ATP10A: variants seen among roughly 807,000 people sequenced by gnomAD.
The protein encoded by ATP10A is ATPase phospholipid transporting 10A (putative).
ATP10A carries 111 observed loss-of-function variants against 147.8 expected under a neutral mutation model. The ratio of observed to expected loss-of-function variants is 0.75; its 90% confidence interval spans 0.64 to 0.88. The LOEUF (loss-of-function observed/expected upper bound fraction) is 0.88, where lower values mean the gene tolerates loss of function less well. Ranked by LOEUF, ATP10A falls within the 40% of genes least tolerant of loss-of-function variation. ATP10A has a pLI of 0.00. For missense variants in ATP10A, 1,927 were observed against 1,959.0 expected (o/e 0.98, Z 0.31); for synonymous variants, 875 against 841.6 (o/e 1.04, Z -0.69).
chr15:25,745,107 C>T (rs557249739), intron 2 of ATP10A, among the ~76,000 whole-genome samples: 113 of 152,254 alleles, frequency 7.4e-4, no homozygotes, highest in African/African-American at 2.4e-3. Flanking sequence ...AGGCAGATCA[C>T]GACGTCATGG....
downstream of ATP10A, among the ~76,000 whole-genome samples, chr15:25,672,492 G>A (rs1316102136): frequency 3.3e-5 from 5 of 152,280 alleles, no homozygotes; most frequent in South Asian, 1.0e-3. Context: ...AATTGCTTGG[G>A]TAGGTACCTG....
chr15:25,862,997 G>T lies in ATP10A; in HGVS notation c.100C>A (p.Pro34Thr). The change falls in exon 1 of 21, where the codon CCC becomes ACC. Residue 34 changes from proline (P) to threonine (T), a missense_variant. By Grantham distance (38) the Pro-to-Thr change is conservative. Coordinates refer to ENST00000555815, the MANE Select transcript of ATP10A (RefSeq NM_024490.4). Reference protein sequence around the residue: ...TRTVRSNLLPPPGAEDPAAGA... With the variant: ...TRTVRSNLLPTPGAEDPAAGA... ...GCCGCAGGGTCCTCGGCGCCCGGGG[G>T]CGGCAGCAGGTTGGAGCGCACCGTG... 3 of 1,410,678 alleles carry T rather than the reference G, an allele frequency of 2.1e-6. No individual in the cohort carries two copies. The highest frequency in any genetic ancestry group is 2.7e-6 in the Non-Finnish European group (3 of 1,092,378). 87.4% of individuals were successfully genotyped at this position (1,410,678 alleles called of 1,614,324 possible). A position where few individuals can be genotyped will look rare whatever the true frequency, so the allele number is the denominator to read the frequency against.
At chr15:25,821,541 G>C (rs1309752837) in intron 1 of ATP10A, among the ~76,000 whole-genome samples, 2 of 152,226 alleles carry the variant, frequency 1.3e-5, no homozygotes, top group Non-Finnish European at 2.9e-5. Flanking sequence ...CCCAGTGTCA[G>C]TGAGAGTTGG....
intron 2 of ATP10A, among the ~76,000 whole-genome samples, chr15:25,741,398 T>G (rs1454684341): frequency 1.3e-5 from 2 of 152,194 alleles, no homozygotes; most frequent in East Asian, 1.9e-4. Flanking sequence ...CCAGAATGCA[T>G]AGTTCCTCTT....
intron 1 of ATP10A, among the ~76,000 whole-genome samples, chr15:25,795,312 G>C (rs1890622913): frequency 6.6e-6 from 1 of 152,032 alleles, no homozygotes. Context: ...GGCCCACGGA[G>C]GGAGGGCCTG....
intron 1 of ATP10A, among the ~76,000 whole-genome samples, chr15:25,787,408 GT>G (rs1890220442): frequency 6.6e-6 from 1 of 151,962 alleles, no homozygotes; most frequent in Admixed American, 6.6e-5. Flanking sequence ...GAACCCAGGA[GT>G]TCAAGACCAG....
chr15:25,743,209 A>C (rs977755953), intron 2 of ATP10A, among the ~76,000 whole-genome samples: 16 of 152,206 alleles, frequency 1.1e-4, no homozygotes, highest in Admixed American at 6.5e-5. Context: ...GGAGAATACA[A>C]AAAGAGGTCA....
chr15:25,676,377 C>T (rs1271421621), downstream of ATP10A, among the ~76,000 whole-genome samples: 1 of 152,212 alleles, frequency 6.6e-6, no homozygotes, highest in Non-Finnish European at 1.5e-5. Context: ...TGGCTTGGGC[C>T]ACTTCCATGT....
At chr15:25,853,107 C>T (rs970663034) in intron 1 of ATP10A, among the ~76,000 whole-genome samples, 1 of 152,110 alleles carries the variant, frequency 6.6e-6, no homozygotes, top group African/African-American at 2.4e-5. Context: ...TACAGTATCC[C>T]CAGTGGAAAA....
chr15:25,781,821 G>C (rs1889940824), intron 1 of ATP10A, among the ~76,000 whole-genome samples: 1 of 152,208 alleles, frequency 6.6e-6, no homozygotes, highest in South Asian at 2.1e-4. Context: ...GGGGGAAAAG[G>C]GAGTACCAGT....
At chr15:25,862,118 T>C (rs1037191906) in intron 1 of ATP10A, 2 of 359,592 alleles carry the variant, frequency 5.6e-6, no homozygotes, top group Admixed American at 6.5e-5. Context: ...GACACTGCTG[T>C]TATTTCCCCT....
intron 2 of ATP10A, among the ~76,000 whole-genome samples, chr15:25,741,055 C>A (rs1239301566): frequency 6.6e-6 from 1 of 152,176 alleles, no homozygotes; most frequent in Non-Finnish European, 1.5e-5. Context: ...TCCTGACGGC[C>A]CCCTGGTAGG....
chr15:25,799,255 C>T (rs866934578), intron 1 of ATP10A, among the ~76,000 whole-genome samples: 1 of 152,208 alleles, frequency 6.6e-6, no homozygotes, highest in Non-Finnish European at 1.5e-5. Flanking sequence ...GGGCTCTCCC[C>T]TCTCACATCC....
At chr15:25,810,171 G>A (rs570726441) in intron 1 of ATP10A, among the ~76,000 whole-genome samples, 16 of 152,300 alleles carry the variant, frequency 1.1e-4, no homozygotes, top group Admixed American at 9.1e-4. Flanking sequence ...TGATGGATGC[G>A]GGGCTAGAGC....
intron 1 of ATP10A, among the ~76,000 whole-genome samples, chr15:25,799,329 C>T (rs1448040606): frequency 6.6e-6 from 1 of 152,100 alleles, no homozygotes; most frequent in Non-Finnish European, 1.5e-5. Context: ...GCTCGTCTCT[C>T]CCGGCCTCAC....
intron 2 of ATP10A, among the ~76,000 whole-genome samples, chr15:25,765,555 G>A (rs1229181343): frequency 1.3e-5 from 2 of 152,142 alleles, no homozygotes; most frequent in African/African-American, 4.8e-5. Context: ...GCTCTCATGT[G>A]CAGGTAAGCG....
intron 10 of ATP10A, among the ~76,000 whole-genome samples, chr15:25,712,035 G>GA (rs932610146): frequency 5.3e-5 from 8 of 152,206 alleles, no homozygotes; most frequent in African/African-American, 1.9e-4. Context: ...GAACAGGCAG[G>GA]GGGGCCCTGC....
chr15:25,731,744 G>C (rs1487248628), intron 3 of ATP10A, among the ~76,000 whole-genome samples: 2 of 152,204 alleles, frequency 1.3e-5, no homozygotes, highest in Admixed American at 1.3e-4. Flanking sequence ...TCCTTCCAAA[G>C]AATGCAGCCT....
chr15:25,701,758 C>T (rs900829223), intron 13 of ATP10A, among the ~76,000 whole-genome samples, 158 bp downstream of exon 13: 1 of 152,198 alleles, frequency 6.6e-6, no homozygotes, highest in Non-Finnish European at 1.5e-5. Flanking sequence ...GCAAACTTTA[C>T]CTCTTCCAAG....
Sources: allele counts gnomAD v4.1 joint callset (sites outside exome capture counted in the v4.1 genomes callset), GRCh38; gene constraint gnomAD v4.1.1; transcripts MANE v1.5; gene names NCBI Gene and HGNC (gene_info 2026-07-23, HGNC 2026-07-21).